MFSD2A: variants seen among roughly 807,000 people sequenced by gnomAD.
MFSD2A encodes the protein sodium-dependent lysophosphatidylcholine symporter 1.
In MFSD2A, 27 loss-of-function variants were observed where a neutral mutation model predicts 64.7. The observed-to-expected ratio is 0.42, with a 90% CI of 0.31 to 0.58. MFSD2A has a LOEUF of 0.58. Ranked by LOEUF, MFSD2A falls within the 20% of genes least tolerant of loss-of-function variation. The probability of loss-of-function intolerance (pLI) is 0.18; values close to 1 mark genes in which losing one functional copy is unlikely to be tolerated. For synonymous variants in MFSD2A, 258 were observed against 273.4 expected (o/e 0.94, Z 0.55); for missense variants, 474 against 679.5 (o/e 0.70, Z 3.36).
Position 39,960,696 on chromosome 1 carries a change from G to A in MFSD2A, c.353+1871G>A, listed in dbSNP as rs1190780934. Among the ~76,000 whole-genome samples, 1 of 152,242 alleles carries A rather than the reference G, an allele frequency of 6.6e-6. No individual in the cohort carries two copies. Among genetic ancestry groups the A allele is most frequent in the East Asian group, 1.9e-4 (1 of 5,188 alleles). On this transcript the variant is annotated intron_variant, in intron 3 of 13. Transcript: ENST00000372811. The surrounding 1 kb of genome is among the most constrained non-coding windows in gnomAD (Gnocchi z 4.8). The stretch of plus-strand genomic sequence containing the variant: ...GCTCAGCTGCTTATGAGCAGAGGAT[G>A]GAGTGTTTGACAAAGGCTGATGAGG...
rs748281826 is a variant in MFSD2A at position 39,960,318 on chromosome 1, G to C, written c.353+1493G>C. 6.6e-6 allele frequency among the ~76,000 whole-genome samples: 1 copy of C among 152,354 alleles called. No homozygotes were observed. Among genetic ancestry groups the C allele is most frequent in the East Asian group, 1.9e-4 (1 of 5,174 alleles). ...CAGGGGCGCCCATACCTGGCCTCCG[G>C]CCTTCAAAGCTCTTCCCGCAACCCC... On this transcript the variant is annotated intron_variant, in intron 3 of 13. Transcript: ENST00000372811. This position sits in a 1 kb window ranked among gnomAD's most constrained non-coding sequence, Gnocchi z 4.8.
Position 39,968,499 on chromosome 1 carries a change from G to T in MFSD2A, c.1352+22G>T. 1 of 1,613,814 alleles carries T rather than the reference G, an allele frequency of 6.2e-7. No homozygotes were observed. The highest frequency in any genetic ancestry group is 8.5e-7 in the Non-Finnish European group (1 of 1,179,896). Reference sequence around the variant, plus strand: ...TGGAGTGAGTGGGGTGGGGACCTGGGGCAGGACTGGGCAGGGCCAGGCCCC... The same window carrying T: ...TGGAGTGAGTGGGGTGGGGACCTGGTGCAGGACTGGGCAGGGCCAGGCCCC... On this transcript the variant is annotated intron_variant, in intron 12 of 13. Coordinates refer to ENST00000372811, the MANE Select transcript of MFSD2A (RefSeq NM_032793.5). This position sits in a 1 kb window ranked among gnomAD's most constrained non-coding sequence, Gnocchi z 4.4.
In MFSD2A at chr1:39,965,882, A is replaced by G. The variant is rs748359450; in HGVS notation, c.582A>G (p.Thr194=). ...GGATGACTGTGGAAGTGCTGGGCAC[A>G]GTGCTGGGCACGGCGATCCAGGGAC... ...AYRMTVEVLG[T]VLGTAIQGQI... The change falls in exon 6 of 14, where the codon ACA becomes ACG. Residue 194 remains threonine, a synonymous_variant. Coordinates refer to ENST00000372811, the MANE Select transcript of MFSD2A (RefSeq NM_032793.5). The surrounding 1 kb of genome is among the most constrained non-coding windows in gnomAD (Gnocchi z 5.5). The G allele has an allele frequency of 6.2e-7, 1 of 1,614,052 alleles. No individual in the cohort carries two copies. Among genetic ancestry groups the G allele is most frequent in the South Asian group, 1.1e-5 (1 of 91,080 alleles).
chr1:39,962,752 T>C (rs1038843160), intron 3 of MFSD2A: 1 of 911,866 alleles, frequency 1.1e-6, no homozygotes, highest in African/African-American at 1.6e-5. Flanking sequence ...CTGGGCCGCT[T>C]GGTGAAGGAC....
At chr1:39,967,547 C>G (rs1325511522) in intron 9 of MFSD2A, 81 bp from the exon 10 acceptor site, 2 of 1,319,504 alleles carry the variant, frequency 1.5e-6, no homozygotes, top group African/African-American at 2.9e-5. Context: ...GGGCTGGGAG[C>G]CACTTTGGGG....
rs200171187 is a variant in MFSD2A, at chr1:39,967,660, G to A, written c.1044G>A (p.Gln348=). The A allele has an allele frequency of 5.6e-6, 9 of 1,614,068 alleles. No individual in the cohort carries two copies. Among genetic ancestry groups the A allele is most frequent in the African/African-American group, 2.7e-5 (2 of 74,928 alleles). The change falls in exon 10 of 14, where the codon CAG becomes CAA. Residue 348 remains glutamine (Q), a synonymous_variant. Transcript: ENST00000372811. Reference sequence around the variant, plus strand: ...CCACTTTAACCATTCCCATCTGGCAGTGGTTCTTGACCCGGTTTGGCAAGA... The same window carrying A: ...CCACTTTAACCATTCCCATCTGGCAATGGTTCTTGACCCGGTTTGGCAAGA... The part of the protein sequence containing the change: ...LSATLTIPIW[Q]WFLTRFGKKT...
Position 39,969,885 on chromosome 1 carries a change from C to T in MFSD2A, c.*317C>T. On this transcript the variant is annotated 3_prime_UTR_variant, in exon 14 of 14. Coordinates refer to ENST00000372811, the MANE Select transcript of MFSD2A (RefSeq NM_032793.5). The stretch of plus-strand genomic sequence containing the variant: ...TAATTAATAACTTAATGACTGTGTA[C>T]ATAGCAATGTGTGTGTATGTATATG... The T allele has an allele frequency of 1.0e-5, 4 of 396,178 alleles. No homozygotes were observed. The highest frequency in any genetic ancestry group is 3.6e-5 in the South Asian group (1 of 27,922). 24.5% of individuals were successfully genotyped at this position (396,178 alleles called of 1,614,324 possible).
At position 39,958,646 on chromosome 1, in the gene MFSD2A, G is replaced by C. The variant is rs758586527; in HGVS notation, c.229-55G>C. ...AGCCTCTGCTTCTGCCTACCAGTGAGAGTTGAGGCGAGTAGAAGGATGAGG... is the reference window on the plus strand; with the variant it reads ...AGCCTCTGCTTCTGCCTACCAGTGACAGTTGAGGCGAGTAGAAGGATGAGG... On this transcript the variant is annotated intron_variant, in intron 2 of 13. Coordinates refer to ENST00000372811, the MANE Select transcript of MFSD2A (RefSeq NM_032793.5). This position sits in a 1 kb window ranked among gnomAD's most constrained non-coding sequence, Gnocchi z 4.7. 6.2e-7 allele frequency: 1 copy of C among 1,614,088 alleles called. No individual in the cohort carries two copies. The highest frequency in any genetic ancestry group is 1.1e-5 in the South Asian group (1 of 91,076).
intron 3 of MFSD2A, among the ~76,000 whole-genome samples, chr1:39,962,040 A>G (rs1645055372): frequency 6.6e-6 from 1 of 152,190 alleles, no homozygotes. Flanking sequence ...AGTGTCCCAA[A>G]CACTGTTTGA....
intron 1 of MFSD2A, among the ~76,000 whole-genome samples, chr1:39,956,692 T>C (rs970459861): frequency 3.3e-5 from 5 of 151,990 alleles, no homozygotes; most frequent in Admixed American, 1.3e-4. Context: ...TTCTTTTGTA[T>C]AAAGTGGGAT....
intron 6 of MFSD2A, 25 bp downstream of exon 6, chr1:39,966,039 T>C: frequency 6.2e-7 from 1 of 1,612,660 alleles, no homozygotes; most frequent in Non-Finnish European, 8.5e-7. Flanking sequence ...AGGGCAGGGA[T>C]TTGGGGAGAT....
rs199540865 is a variant in MFSD2A at position 39,965,169 on chromosome 1, G to GCTCCAGC, written c.354-29_354-23dup. The GCTCCAGC allele has an allele frequency of 6.2e-3, 9,999 of 1,611,846 alleles. 147 individuals are homozygous for GCTCCAGC. The highest frequency in any genetic ancestry group is 0.036 in the African/African-American group (2,674 of 74,950). On this transcript the variant is annotated intron_variant, in intron 3 of 13. Coordinates refer to ENST00000372811, the MANE Select transcript of MFSD2A (RefSeq NM_032793.5). This position sits in a 1 kb window ranked among gnomAD's most constrained non-coding sequence, Gnocchi z 5.5. ...CAGACTGGGCTGGGCCTGGTCCTGG[G>GCTCCAGC]CTCCAGCCTCCAGCCTCCACTCACA...
chr1:39,963,387 G>T lies in MFSD2A; in HGVS notation c.354-1824G>T. The T allele has an allele frequency of 3.0e-6, 2 of 676,300 alleles. No homozygotes were observed. Among genetic ancestry groups the T allele is most frequent in the Admixed American group, 2.4e-5 (1 of 42,084 alleles). 41.9% of individuals were successfully genotyped at this position (676,300 alleles called of 1,614,324 possible). ...CCTCATCAAGACCCACCAGGCTCCA[G>T]CTGTGGCTACAACATAGGGTTTTTA... On this transcript the variant is annotated intron_variant, in intron 3 of 13. Transcript: ENST00000372811. This position sits in a 1 kb window ranked among gnomAD's most constrained non-coding sequence, Gnocchi z 4.2.
chr1:39,963,465 C>T lies in MFSD2A; in HGVS notation c.354-1746C>T. ...TGTTAAAAAAAAAATGTTTACGAGA[C>T]AGAGTCTTGCTATGTTGCACAGGCT... On this transcript the variant is annotated intron_variant, in intron 3 of 13. Transcript: ENST00000372811. The surrounding 1 kb of genome is among the most constrained non-coding windows in gnomAD (Gnocchi z 4.2). 1 of 536,286 alleles carries T rather than the reference C, an allele frequency of 1.9e-6. No homozygotes were observed. 33.2% of individuals were successfully genotyped at this position (536,286 alleles called of 1,614,324 possible).
intron 3 of MFSD2A, among the ~76,000 whole-genome samples, chr1:39,961,665 TAAAAACA>T (rs1239457552): frequency 2.6e-5 from 4 of 151,012 alleles, no homozygotes; most frequent in African/African-American, 9.9e-5. Context: ...TTTTTCTGAT[TAAAAACA>T]AAAAACAAAA....
Position 39,960,774 on chromosome 1 carries a change from T to C in MFSD2A, c.353+1949T>C, listed in dbSNP as rs918644848. 1.3e-5 allele frequency among the ~76,000 whole-genome samples: 2 copies of C among 152,200 alleles called. No homozygotes were observed. The highest frequency in any genetic ancestry group is 4.8e-5 in the African/African-American group (2 of 41,450). On this transcript the variant is annotated intron_variant, in intron 3 of 13. Transcript: ENST00000372811. This position sits in a 1 kb window ranked among gnomAD's most constrained non-coding sequence, Gnocchi z 4.8. ...CAAGAGAGGTGGAGGTGGGCAGGCC[T>C]TCCCTGTGGCATGTAGGAACTGAGC...
At chr1:39,962,873 T>C in intron 3 of MFSD2A, 1 of 1,571,884 alleles carries the variant, frequency 6.4e-7, no homozygotes, top group Non-Finnish European at 8.6e-7. Flanking sequence ...TTTTGAAGAT[T>C]ATGCCAGTGC....
intron 1 of MFSD2A, among the ~76,000 whole-genome samples, chr1:39,956,697 T>C (rs1307610839): frequency 1.3e-5 from 2 of 151,964 alleles, no homozygotes; most frequent in African/African-American, 4.8e-5. Context: ...TTGTATAAAG[T>C]GGGATCTCGG....
chr1:39,968,376 G>A lies in MFSD2A; in HGVS notation c.1251G>A (p.Gln417=), dbSNP rs767695080. The change falls in exon 12 of 14, where the codon CAG becomes CAA. Residue 417 remains glutamine, a synonymous_variant. Transcript: ENST00000372811. This position sits in a 1 kb window ranked among gnomAD's most constrained non-coding sequence, Gnocchi z 4.4. ...PDVIDDFHLK[Q]PHFHGTEPIF... is the part of the protein sequence containing the mutation. ...TCATTGACGACTTCCATCTGAAGCA[G>A]CCCCACTTCCATGGAACCGAGCCCA... is the stretch of plus-strand genomic sequence containing the variant. The A allele has an allele frequency of 6.2e-7, 1 of 1,614,106 alleles. No homozygotes were observed. Among genetic ancestry groups the A allele is most frequent in the Non-Finnish European group, 8.5e-7 (1 of 1,180,006 alleles).
Sources: allele counts gnomAD v4.1 joint callset (sites outside exome capture counted in the v4.1 genomes callset), GRCh38; gene constraint gnomAD v4.1.1; non-coding constraint Gnocchi (gnomAD v3.1); transcripts MANE v1.5; gene names NCBI Gene and HGNC (gene_info 2026-07-23, HGNC 2026-07-21).